The following PRIM2 variants were observed in gnomAD, a reference collection of about 807,000 sequenced individuals.
PRIM2 encodes the protein DNA primase subunit 2.
PRIM2 carries 39 observed loss-of-function variants against 67.3 expected under a neutral mutation model. That is an observed-to-expected ratio of 0.58 (90% CI 0.45 to 0.76). The LOEUF is 0.76. PRIM2 is among the 30% of genes least tolerant of loss of function. The pLI is 0.00. For synonymous variants in PRIM2, 143 were observed against 198.7 expected (o/e 0.72, Z 2.36); for missense variants, 398 against 598.7 (o/e 0.66, Z 3.50).
chr6:57,383,308 A>T (rs1470866464), intron 7 of PRIM2: 1 of 151,900 alleles, frequency 6.6e-6, no homozygotes, highest in African/African-American at 2.4e-5. Context: ...TTTAGACCAC[A>T]CTTCTTTGTG....
the PRIM2 span, among the ~76,000 whole-genome samples, chr6:57,268,571 A>G: frequency 6.6e-6 from 1 of 152,162 alleles, no homozygotes; most frequent in African/African-American, 2.4e-5. Context: ...GTTCTGAGGC[A>G]TTACAAGGAT....
chr6:57,588,687 A>G (rs1305802133), intron 10 of PRIM2, among the ~76,000 whole-genome samples: 2 of 152,062 alleles, frequency 1.3e-5, no homozygotes, highest in African/African-American at 4.8e-5. Flanking sequence ...CTGCAGTGCC[A>G]CAAGCTTACA....
chr6:57,615,612 G>A (rs1425443190), intron 12 of PRIM2, among the ~76,000 whole-genome samples: 1 of 152,006 alleles, frequency 6.6e-6, no homozygotes, highest in Non-Finnish European at 1.5e-5. Context: ...TAGAAAAATT[G>A]GGGCTGGCCA....
At chr6:57,530,901 T>C (rs1774875263) in intron 8 of PRIM2, among the ~76,000 whole-genome samples, 1 of 151,924 alleles carries the variant, frequency 6.6e-6, no homozygotes, top group African/African-American at 2.4e-5. Flanking sequence ...CAAGGTTTTG[T>C]CATGTTGCTT....
chr6:57,599,303 GA>G (rs1431558742), intron 10 of PRIM2, among the ~76,000 whole-genome samples: 4 of 138,654 alleles, frequency 2.9e-5, no homozygotes, highest in African/African-American at 1.1e-4. Context: ...GAAGTGAATT[GA>G]ATATAGCCCA....
chr6:57,240,238 A>G, the PRIM2 span, among the ~76,000 whole-genome samples: 7 of 151,916 alleles, frequency 4.6e-5, no homozygotes, highest in South Asian at 2.1e-4. Flanking sequence ...AGTAGCTGGG[A>G]TTACAGGCAT....
At chr6:57,450,081 C>A (rs1430717358) in intron 7 of PRIM2, among the ~76,000 whole-genome samples, 10 of 152,174 alleles carry the variant, frequency 6.6e-5, no homozygotes, top group South Asian at 2.1e-4. Context: ...TTTAAAAAAA[C>A]CAACTAAATA....
the PRIM2 span, among the ~76,000 whole-genome samples, chr6:57,229,927 C>A: frequency 6.6e-6 from 1 of 152,170 alleles, no homozygotes; most frequent in African/African-American, 2.4e-5. Flanking sequence ...AATGTGAAGT[C>A]ATCTTCATGA....
At chr6:57,477,411 G>A (rs1188530117) in intron 7 of PRIM2, among the ~76,000 whole-genome samples, 1 of 152,006 alleles carries the variant, frequency 6.6e-6, no homozygotes, top group African/African-American at 2.4e-5. Context: ...GTAGTATAAA[G>A]GTATTTTTAG....
At chr6:57,433,300 A>G (rs1386657077) in intron 7 of PRIM2, among the ~76,000 whole-genome samples, 2 of 152,054 alleles carry the variant, frequency 1.3e-5, no homozygotes, top group East Asian at 3.9e-4. Context: ...CAGGTTAGTT[A>G]CATATGTATA....
At chr6:57,630,820 CAACATG>C (rs1426455084) in intron 12 of PRIM2, among the ~76,000 whole-genome samples, 2 of 152,084 alleles carry the variant, frequency 1.3e-5, no homozygotes, top group Non-Finnish European at 2.9e-5. Context: ...GAGCATCAGA[CAACATG>C]AACTCAGTGT....
intron 11 of PRIM2, 63 bp downstream of exon 11, chr6:57,601,282 T>C (rs1423761858): frequency 2.7e-6 from 4 of 1,478,432 alleles, no homozygotes; most frequent in Non-Finnish European, 3.6e-6. Flanking sequence ...TTGGAAACAC[T>C]GAAACAATGT....
chr6:57,244,915 C>T, the PRIM2 span, among the ~76,000 whole-genome samples: 2 of 152,156 alleles, frequency 1.3e-5, no homozygotes, highest in African/African-American at 2.4e-5. Flanking sequence ...TTATGGAACA[C>T]GTTTGCTAAG....
chr6:57,565,169 TA>T (rs1245376668), intron 10 of PRIM2, among the ~76,000 whole-genome samples: 11 of 152,030 alleles, frequency 7.2e-5, no homozygotes, highest in Admixed American at 3.3e-4. Flanking sequence ...GAAAATACTT[TA>T]AAAAAATTTA....
chr6:57,313,826 G>A (rs573330111), upstream of PRIM2, among the ~76,000 whole-genome samples: 1 of 152,192 alleles, frequency 6.6e-6, no homozygotes, highest in Non-Finnish European at 1.5e-5. Flanking sequence ...GACACACCCC[G>A]CTCAGAAGAG....
At chr6:57,623,354 A>C (rs1776890799) in intron 12 of PRIM2, among the ~76,000 whole-genome samples, 1 of 152,172 alleles carries the variant, frequency 6.6e-6, no homozygotes, top group African/African-American at 2.4e-5. Context: ...AGGTGGTTCA[A>C]AGAAAAATCA....
chr6:57,494,941 T>C (rs1233930131), intron 7 of PRIM2, among the ~76,000 whole-genome samples: 1 of 152,232 alleles, frequency 6.6e-6, no homozygotes, highest in African/African-American at 2.4e-5. Context: ...TCTATTTTCA[T>C]TTCATAATCA....
chr6:57,444,016 T>G (rs1053267474), intron 7 of PRIM2, among the ~76,000 whole-genome samples: 6 of 152,216 alleles, frequency 3.9e-5, no homozygotes, highest in Non-Finnish European at 1.5e-5. Flanking sequence ...ATTTGTTGAA[T>G]AGACCGTCCT....
In PRIM2 at chr6:57,380,690, T is replaced by C. The variant is rs571263425; in HGVS notation, c.555+694T>C. On this transcript the variant is annotated intron_variant, in intron 6 of 13. Transcript: ENST00000615550. ...CCAGTAGTTTAAAGTCCTGCCCCAT[T>C]CCAGCTTCTTCGTTTCGACTGTTGG... is the stretch of plus-strand genomic sequence containing the variant. Among the ~76,000 whole-genome samples the C allele has an allele frequency of 8.6e-5, 13 of 151,914 alleles. 1 individual carries two copies. The highest frequency in any genetic ancestry group is 5.9e-4 in the Admixed American group (9 of 15,234).
Sources: allele counts gnomAD v4.1 joint callset (sites outside exome capture counted in the v4.1 genomes callset), GRCh38; gene constraint gnomAD v4.1.1; transcripts MANE v1.5; gene names NCBI Gene and HGNC (gene_info 2026-07-23, HGNC 2026-07-21).